Variants in CECR2 observed in about 807,000 individuals in gnomAD.
CECR2 encodes CECR2 histone acetyl-lysine reader, also known as chromatin remodeling regulator CECR2.
Under a neutral mutation model 154.5 loss-of-function variants are expected in CECR2, and 30 were observed. The observed-to-expected ratio is 0.19, with a 90% CI of 0.15 to 0.26. The LOEUF (loss-of-function observed/expected upper bound fraction) is 0.26. Ranked by LOEUF, CECR2 falls within the 10% of genes least tolerant of loss-of-function variation. The probability of loss-of-function intolerance (pLI) is 1.00; values close to 1 mark genes in which losing one functional copy is unlikely to be tolerated. For missense variants in CECR2, 1,743 were observed against 1,829.3 expected, an observed-to-expected ratio of 0.95 and a Z score of 0.86; for synonymous variants, 725 against 683.7, an observed-to-expected ratio of 1.06 and a Z score of -0.94.
chr22:17,387,512 G>T (rs1167590421), intron 1 of CECR2, among the ~76,000 whole-genome samples: 1 of 152,160 alleles, frequency 6.6e-6, no homozygotes, highest in East Asian at 1.9e-4. Flanking sequence ...TTAACGAGAA[G>T]GCCCCGGCTC....
At chr22:17,455,674 C>T (rs1383882496) in intron 1 of CECR2, among the ~76,000 whole-genome samples, 4 of 152,202 alleles carry the variant, frequency 2.6e-5, no homozygotes, top group Admixed American at 1.3e-4. Flanking sequence ...AGTGCAGTGG[C>T]GCAATCTCGG....
At chr22:17,523,039 A>T (rs571940285) in intron 8 of CECR2, among the ~76,000 whole-genome samples, 1 of 152,000 alleles carries the variant, frequency 6.6e-6, no homozygotes, top group Admixed American at 6.6e-5. Context: ...TCTAGGCAAG[A>T]TCGTCTCTAA....
At chr22:17,383,671 T>TTC (rs2063226342) in intron 1 of CECR2, among the ~76,000 whole-genome samples, 1 of 147,598 alleles carries the variant, frequency 6.8e-6, no homozygotes, top group African/African-American at 2.5e-5. Context: ...TTTTTTTTTT[T>TTC]TTTTTTTTGA....
chr22:17,459,912 T>G (rs2054911223), intron 1 of CECR2, among the ~76,000 whole-genome samples: 1 of 152,198 alleles, frequency 6.6e-6, no homozygotes, highest in Admixed American at 6.5e-5. Flanking sequence ...GTAAGCTGGG[T>G]TTATGAAGGG....
chr22:17,524,075 C>T (rs1569140699), intron 8 of CECR2, 43 bp from the exon 9 acceptor site: 2 of 1,440,746 alleles, frequency 1.4e-6, no homozygotes, highest in Non-Finnish European at 1.9e-6. Flanking sequence ...GCTTATCTTG[C>T]ATGATTGTGT....
intron 14 of CECR2, 109 bp downstream of exon 14, chr22:17,540,909 G>A (rs565294371): frequency 1.7e-6 from 2 of 1,192,096 alleles, no homozygotes; most frequent in South Asian, 2.1e-5. Context: ...TGTATGTATG[G>A]AATCTTTTTC....
At chr22:17,484,233 AGGCT>A (rs916112813) in intron 2 of CECR2, among the ~76,000 whole-genome samples, 19 of 152,196 alleles carry the variant, frequency 1.2e-4, no homozygotes, top group Non-Finnish European at 1.5e-5. Flanking sequence ...TCTGTTCCCC[AGGCT>A]GGAGTGCATT....
At chr22:17,416,808 A>T (rs1466756199) in intron 1 of CECR2, among the ~76,000 whole-genome samples, 4 of 152,154 alleles carry the variant, frequency 2.6e-5, no homozygotes, top group Non-Finnish European at 4.4e-5. Flanking sequence ...GGCATTGATC[A>T]TACTATTATA....
upstream of CECR2, among the ~76,000 whole-genome samples, chr22:17,364,950 C>T (rs370422124): frequency 6.6e-6 from 1 of 152,138 alleles, no homozygotes; most frequent in African/African-American, 2.4e-5. Flanking sequence ...CTTGGCTGGG[C>T]GCAGTGGCTC....
At chr22:17,523,059 C>G (rs1250291885) in intron 8 of CECR2, among the ~76,000 whole-genome samples, 1 of 151,648 alleles carries the variant, frequency 6.6e-6, no homozygotes, top group Admixed American at 6.6e-5. Context: ...AATTTGGAGT[C>G]AAATGAGAAT....
chr22:17,534,289 G>GC (rs1353830953), intron 9 of CECR2, among the ~76,000 whole-genome samples: 2 of 152,106 alleles, frequency 1.3e-5, no homozygotes, highest in Non-Finnish European at 2.9e-5. Context: ...TCCCAACAGA[G>GC]CGAGACCCCT....
chr22:17,466,455 T>A (rs1241584940), intron 1 of CECR2, among the ~76,000 whole-genome samples: 1 of 152,246 alleles, frequency 6.6e-6, no homozygotes, highest in Non-Finnish European at 1.5e-5. Context: ...AAACCCTTTA[T>A]GTCAGCCCAT....
intron 2 of CECR2, among the ~76,000 whole-genome samples, chr22:17,493,613 C>T (rs940966153): frequency 3.9e-5 from 6 of 152,232 alleles, no homozygotes; most frequent in Middle Eastern, 3.4e-3. Context: ...GTTAAGGTGG[C>T]ATGGAGATAG....
At chr22:17,540,827 G>A (rs775366884) in intron 14 of CECR2, 27 bp downstream of exon 14, 57 of 1,506,452 alleles carry the variant, frequency 3.8e-5, no homozygotes, top group South Asian at 3.5e-4. Flanking sequence ...AGACTGTTGC[G>A]GTTTCTCCTA....
At chr22:17,490,638 A>G (rs186319023) in intron 2 of CECR2, among the ~76,000 whole-genome samples, 9 of 151,680 alleles carry the variant, frequency 5.9e-5, no homozygotes, top group African/African-American at 2.2e-4. Context: ...TTTAGTAGAG[A>G]CAGGGTTTCA....
In CECR2 at chr22:17,457,449, G is replaced by C. The variant is rs181124579; in HGVS notation, c.127-20139G>C. On this transcript the variant is annotated intron_variant, in intron 1 of 18. Transcript: ENST00000262608. ...TTGCAATTCATTCATAATACCTTTC[G>C]TTAATAAAATTCTATCATTTTGTAA... Among the ~76,000 whole-genome samples the C allele has an allele frequency of 2.0e-4, 31 of 152,200 alleles. No homozygotes were observed. The East Asian group carries it at 5.8e-3, about 28-fold the overall frequency.
intron 1 of CECR2, among the ~76,000 whole-genome samples, chr22:17,404,755 A>G (rs1029544020): frequency 3.9e-5 from 6 of 152,180 alleles, no homozygotes; most frequent in African/African-American, 9.7e-5. Context: ...AGCTTTTAAT[A>G]AGTAGTGAAA....
At chr22:17,428,085 GAGCATGTTTTC>G (rs1364851056) in intron 1 of CECR2, among the ~76,000 whole-genome samples, 5 of 152,194 alleles carry the variant, frequency 3.3e-5, no homozygotes, top group African/African-American at 1.2e-4. Context: ...CAGTGATGAA[GAGCATGTTTTC>G]ATGTGTCTGT....
chr22:17,542,596 T>TC lies in CECR2; in HGVS notation c.2460dup (p.Asn821GlnfsTer5), dbSNP rs754411618. 6.2e-7 allele frequency: 1 copy of TC among 1,613,506 alleles called. No individual in the cohort carries two copies. Among genetic ancestry groups the TC allele is most frequent in the Non-Finnish European group, 8.5e-7 (1 of 1,179,792 alleles). ...GATTCCCGAGTCATGAGACCACCTG[T>TC]CCCCCCCAACCAGTGGACTGAACAA... On this transcript the variant is annotated frameshift_variant, in exon 16 of 19. Coordinates refer to ENST00000262608, the MANE Select transcript of CECR2 (RefSeq NM_001290047.2). LOFTEE classifies it high-confidence loss of function.
Sources: gnomAD v4.1 joint callset for allele counts (sites outside exome capture counted in the v4.1 genomes callset) on GRCh38, gnomAD v4.1.1 for gene constraint, MANE v1.5 for transcripts, NCBI Gene and HGNC (gene_info 2026-07-23, HGNC 2026-07-21) for gene names.